Variants in RTN3 observed in about 807,000 individuals in gnomAD.
RTN3 encodes reticulon-3.
RTN3 carries 49 observed loss-of-function variants against 77.8 expected under a neutral mutation model. That is an observed-to-expected ratio of 0.63 (90% CI 0.50 to 0.80). The LOEUF (loss-of-function observed/expected upper bound fraction) is 0.80, where lower values mean the gene tolerates loss of function less well. Ranked by LOEUF, RTN3 falls within the 30% of genes least tolerant of loss-of-function variation. The probability of loss-of-function intolerance (pLI) is 0.00; values close to 1 mark genes in which losing one functional copy is unlikely to be tolerated. For synonymous variants in RTN3, 464 were observed against 446.9 expected, an observed-to-expected ratio of 1.04 and a Z score of -0.48; for missense variants, 1,236 against 1,211.9, an observed-to-expected ratio of 1.02 and a Z score of -0.29.
In RTN3 at chr11:63,720,367, A is replaced by T; in HGVS notation, c.1865A>T (p.Glu622Val). Reference sequence around the variant, plus strand: ...ACAGTGTCTCCAAATGTTTTTAATGAGACAGAATTCTCATTAAATGTGACA... The same window carrying T: ...ACAGTGTCTCCAAATGTTTTTAATGTGACAGAATTCTCATTAAATGTGACA... The part of the protein sequence containing the change: ...PSTVSPNVFN[E>V]TEFSLNVTTS... The change falls in exon 3 of 9, where the codon GAG becomes GTG. Residue 622 changes from glutamate to valine, a missense_variant. Physicochemically the swap from Glu to Val is moderately radical, Grantham distance 121. Coordinates refer to ENST00000377819, the MANE Select transcript of RTN3 (RefSeq NM_001265589.2). 1 of 1,614,094 alleles carries T rather than the reference A, an allele frequency of 6.2e-7. No homozygotes were observed. Among genetic ancestry groups the T allele is most frequent in the East Asian group, 2.2e-5 (1 of 44,878 alleles).
intron 2 of RTN3, among the ~76,000 whole-genome samples, chr11:63,712,970 C>T (rs1045958736): frequency 3.9e-5 from 6 of 152,030 alleles, no homozygotes; most frequent in Admixed American, 3.3e-4. Flanking sequence ...TGGCGCATGC[C>T]TGTAATCCCA....
At position 63,695,326 on chromosome 11, in the gene RTN3, A is replaced by G. The variant is rs116611680; in HGVS notation, c.143-9525A>G. Reference sequence around the variant, plus strand: ...TTTCCCCCTGAAATTCCTGAGCTTCAACTAGTTGGTCTGTTTTTATAGTAG... The same window carrying G: ...TTTCCCCCTGAAATTCCTGAGCTTCGACTAGTTGGTCTGTTTTTATAGTAG... On this transcript the variant is annotated intron_variant, in intron 1 of 8. Transcript: ENST00000377819. 9.2e-3 allele frequency among the ~76,000 whole-genome samples: 1,408 copies of G among 152,276 alleles called. 15 individuals are homozygous for G. The highest frequency in any genetic ancestry group is 0.032 in the African/African-American group (1,322 of 41,560).
At chr11:63,706,901 CTTTTTTT>C (rs535955895) in intron 2 of RTN3, among the ~76,000 whole-genome samples, 3 of 139,746 alleles carry the variant, frequency 2.1e-5, no homozygotes, top group Non-Finnish European at 4.7e-5. Context: ...TTTCTTTTTT[CTTTTTTT>C]TTTTTTGAGA....
At chr11:63,682,149 G>A (rs1365847630) in intron 1 of RTN3, among the ~76,000 whole-genome samples, 5 of 152,220 alleles carry the variant, frequency 3.3e-5, no homozygotes, top group African/African-American at 1.2e-4. Flanking sequence ...ATACGGGCAG[G>A]TGGGTGGTGG....
chr11:63,720,669 C>G lies in RTN3; in HGVS notation c.2167C>G (p.Leu723Val). 3 of 1,614,136 alleles carry G rather than the reference C, an allele frequency of 1.9e-6. No individual in the cohort carries two copies. Among genetic ancestry groups the G allele is most frequent in the Non-Finnish European group, 2.5e-6 (3 of 1,180,004 alleles). Residue 723 changes from leucine (L) to valine (V), a missense_variant, in exon 3 of 9, where the codon CTA becomes GTA. Leu to Val is a conservative substitution (Grantham distance 32, BLOSUM62 1). This residue lies in a region of RTN3 where 1,056 missense variants were observed against 990.4 expected (regional missense o/e 1.07). Transcript: ENST00000377819. The part of the protein sequence containing the change: ...QSKETNGSEP[L>V]GVFPTQGTPV... ...CAAAGAAACAAATGGAAGTGAGCCT[C>G]TAGGTGTTTTCCCTACCCAAGGTAC... is the stretch of plus-strand genomic sequence containing the variant.
rs2011658444 is a variant in RTN3 at position 63,720,233 on chromosome 11, T to C, written c.1731T>C (p.Ala577=). ...DQPDILGRSP[A]SEAACSKVPD... is the part of the protein sequence containing the mutation. ...CTGATATTCTTGGAAGGAGTCCAGCTAGTGAGGCAGCATGTTCAAAAGTAC... is the reference window on the plus strand; with the variant it reads ...CTGATATTCTTGGAAGGAGTCCAGCCAGTGAGGCAGCATGTTCAAAAGTAC... Residue 577 remains alanine (A), a synonymous_variant, in exon 3 of 9, where the codon GCT becomes GCC. Coordinates refer to ENST00000377819, the MANE Select transcript of RTN3 (RefSeq NM_001265589.2). 1.2e-6 allele frequency: 2 copies of C among 1,614,132 alleles called. No homozygotes were observed. The highest frequency in any genetic ancestry group is 1.7e-6 in the Non-Finnish European group (2 of 1,180,010).
upstream of RTN3, chr11:63,681,481 G>A (rs1941027338): frequency 1.3e-6 from 1 of 752,236 alleles, no homozygotes; most frequent in Non-Finnish European, 1.9e-6. Context: ...CCCTCTAGCT[G>A]CGCTCGGCTG....
chr11:63,681,647 C>T lies in RTN3; in HGVS notation c.11C>T (p.Pro4Leu). 1 of 1,593,080 alleles carries T rather than the reference C, an allele frequency of 6.3e-7. No homozygotes were observed. The highest frequency in any genetic ancestry group is 1.8e-5 in the Admixed American group (1 of 56,176). Residue 4 changes from proline to leucine, a missense_variant, in exon 1 of 9, where the codon CCG becomes CTG. Physicochemically the swap from Pro to Leu is moderately conservative, Grantham distance 98. Transcript: ENST00000377819. ...CTCGCTCGCGTAGCCATGGCGGAGC[C>T]GTCGGCGGCCACTCAGTCCCATTCC... is the stretch of plus-strand genomic sequence containing the variant. The part of the protein sequence containing the change: MAE[P>L]SAATQSHSIS...
In RTN3 at chr11:63,718,821, G is replaced by T. The variant is rs2134820395; in HGVS notation, c.319G>T (p.Val107Leu). 6.2e-7 allele frequency: 1 copy of T among 1,614,138 alleles called. No individual in the cohort carries two copies. Among genetic ancestry groups the T allele is most frequent in the Non-Finnish European group, 8.5e-7 (1 of 1,180,028 alleles). Residue 107 changes from valine to leucine, a missense_variant, in exon 3 of 9, where the codon GTG (valine) becomes TTG (leucine). Around this residue, in one of 3 missense-constraint regions of RTN3, gnomAD observed 1,056 missense variants for 990.4 expected, o/e 1.07. Transcript: ENST00000377819. ...LTILHGEKSH[V>L]LGSQPILAKE... ...AATACTACATGGAGAAAAAAGCCAT[G>T]TGTTAGGGAGCCAGCCTATTTTAGC... is the stretch of plus-strand genomic sequence containing the variant.
At chr11:63,706,779 TCTA>T (rs758022989) in intron 2 of RTN3, among the ~76,000 whole-genome samples, 15 of 152,196 alleles carry the variant, frequency 9.9e-5, no homozygotes. Context: ...ATTAAATTAT[TCTA>T]CTGTGGAAGA....
At chr11:63,681,474 T>G, upstream of RTN3, 1 of 711,490 alleles carries the variant, frequency 1.4e-6, no homozygotes, top group East Asian at 3.4e-5. Flanking sequence ...GCTCCCGCCC[T>G]CTAGCTGCGC....
intron 3 of RTN3, among the ~76,000 whole-genome samples, chr11:63,723,610 A>G (rs2011987066): frequency 6.6e-6 from 1 of 151,886 alleles, no homozygotes; most frequent in Admixed American, 6.6e-5. Flanking sequence ...TTTTTACTAG[A>G]GATGGGGTTT....
chr11:63,756,148 C>G lies in RTN3; in HGVS notation c.3031C>G (p.Gln1011Glu), dbSNP rs753247538. 2 of 1,613,050 alleles carry G rather than the reference C, an allele frequency of 1.2e-6. No individual in the cohort carries two copies. The highest frequency in any genetic ancestry group is 1.7e-6 in the Non-Finnish European group (2 of 1,179,038). Residue 1011 changes from glutamine to glutamate, a missense_variant, in exon 8 of 9, where the codon CAG (glutamine) becomes GAG (glutamate). Coordinates refer to ENST00000377819, the MANE Select transcript of RTN3 (RefSeq NM_001265589.2). ...IDHYVGIARD[Q>E]TKSIVEKIQA... ...TCACTATGTTGGCATCGCCCGAGATCAGACCAAGTCAATTGTTGAAAAGTA... is the reference window on the plus strand; with the variant it reads ...TCACTATGTTGGCATCGCCCGAGATGAGACCAAGTCAATTGTTGAAAAGTA...
At chr11:63,713,773 T>G (rs2011235489) in intron 2 of RTN3, among the ~76,000 whole-genome samples, 1 of 152,250 alleles carries the variant, frequency 6.6e-6, no homozygotes, top group Non-Finnish European at 1.5e-5. Flanking sequence ...AGAGTTTTGA[T>G]GGCGATTTGT....
intron 3 of RTN3, among the ~76,000 whole-genome samples, chr11:63,722,911 A>C (rs1304254394): frequency 6.6e-6 from 1 of 152,144 alleles, no homozygotes; most frequent in Non-Finnish European, 1.5e-5. Context: ...ACAGGTAGTA[A>C]CTTTTGGGCA....
chr11:63,693,226 G>C (rs1054689605), intron 1 of RTN3, among the ~76,000 whole-genome samples: 1 of 152,220 alleles, frequency 6.6e-6, no homozygotes, highest in African/African-American at 2.4e-5. Flanking sequence ...GCTCACGCCT[G>C]TAATCCCAGC....
At chr11:63,750,402 G>T in intron 4 of RTN3, 1 of 559,474 alleles carries the variant, frequency 1.8e-6, no homozygotes, top group Non-Finnish European at 3.2e-6. Flanking sequence ...TGACAAATTA[G>T]AGGCTCATAC....
At chr11:63,692,899 A>G (rs1364121492) in intron 1 of RTN3, among the ~76,000 whole-genome samples, 2 of 152,172 alleles carry the variant, frequency 1.3e-5, no homozygotes, top group African/African-American at 4.8e-5. Context: ...ATTTGTCACA[A>G]TTTGTCACAG....
At chr11:63,737,336 C>T (rs1306124646) in intron 3 of RTN3, among the ~76,000 whole-genome samples, 1 of 152,090 alleles carries the variant, frequency 6.6e-6, no homozygotes, top group Non-Finnish European at 1.5e-5. Context: ...GCCAGGCATG[C>T]CGGTGTCTCA....
Sources: allele counts gnomAD v4.1 joint callset (sites outside exome capture counted in the v4.1 genomes callset), GRCh38; gene constraint gnomAD v4.1.1; regional missense constraint gnomAD v4.1.1; transcripts MANE v1.5; gene names NCBI Gene and HGNC (gene_info 2026-07-23, HGNC 2026-07-21).